SLC39A12: variants seen among roughly 807,000 people sequenced by gnomAD.
The protein encoded by SLC39A12 is zinc transporter ZIP12.
A neutral mutation model predicts 71.1 loss-of-function variants in SLC39A12; 63 were observed. The ratio of observed to expected loss-of-function variants is 0.89; its 90% CI spans 0.72 to 1.09. The LOEUF (loss-of-function observed/expected upper bound fraction) is 1.09, where lower values mean the gene tolerates loss of function less well. SLC39A12 is among the 50% of genes least tolerant of loss of function. The pLI is 0.00. For synonymous variants in SLC39A12, 351 were observed against 301.3 expected (o/e 1.16, Z -1.71); for missense variants, 892 against 812.6 (o/e 1.10, Z -1.19).
At chr10:18,031,089 A>G (rs1382030972) in intron 12 of SLC39A12, among the ~76,000 whole-genome samples, 2 of 148,056 alleles carry the variant, frequency 1.4e-5, no homozygotes, top group African/African-American at 2.5e-5. Flanking sequence ...GCTATTGTGA[A>G]TAATGCCGCA....
Position 17,991,229 on chromosome 10 carries a change from G to T in SLC39A12, c.1348G>T (p.Gly450Ter). The T allele has an allele frequency of 6.3e-7, 1 of 1,595,934 alleles. No homozygotes were observed. The highest frequency in any genetic ancestry group is 8.5e-7 in the Non-Finnish European group (1 of 1,172,944). The change falls in exon 8 of 13, where the codon GGA becomes TGA. Residue 450 changes from glycine to a stop codon, truncating the protein, a stop_gained. Coordinates refer to ENST00000377369, the MANE Select transcript of SLC39A12 (RefSeq NM_001145195.2). LOFTEE classifies it high-confidence loss of function. The stretch of plus-strand genomic sequence containing the variant: ...CAAAGGTCATATTTGGAAACTGATG[G>T]GATTAATTGGAGGCATCCATGGATT... ...ESKGHIWKLM[G>*]LIGGIHGFFL... is the part of the protein sequence containing the mutation.
chr10:17,976,227 G>A (rs954834079), intron 4 of SLC39A12, among the ~76,000 whole-genome samples: 2 of 152,078 alleles, frequency 1.3e-5, no homozygotes, highest in Non-Finnish European at 2.9e-5. Context: ...ATTGGTGGAG[G>A]CTTCTATTCT....
rs1564649740 is a variant in SLC39A12 at position 17,993,166 on chromosome 10, A to G, written c.1423-15A>G. 4 of 1,535,600 alleles carry G rather than the reference A, an allele frequency of 2.6e-6. No individual in the cohort carries two copies. Among genetic ancestry groups the G allele is most frequent in the African/African-American group, 1.4e-5 (1 of 72,676 alleles). On this transcript the variant is annotated splice_polypyrimidine_tract_variant and intron_variant, in intron 8 of 12. Coordinates refer to ENST00000377369, the MANE Select transcript of SLC39A12 (RefSeq NM_001145195.2). ...CTTCTGGCTTCAACACTAATTTTAA[A>G]CCATCCTCATCCAGCAGGGCCTGTC...
intron 4 of SLC39A12, among the ~76,000 whole-genome samples, chr10:17,968,758 A>G (rs1834896325): frequency 6.6e-6 from 1 of 152,160 alleles, no homozygotes; most frequent in Admixed American, 6.5e-5. Flanking sequence ...AGAATGGGGT[A>G]TCCATCCCTT....
chr10:17,964,163 C>T (rs12262907), intron 3 of SLC39A12, among the ~76,000 whole-genome samples: 48,429 of 152,010 alleles, frequency 0.32, 8,178 homozygotes, highest in African/African-American at 0.41. Context: ...TATGGTGTTT[C>T]GAGACCCTTA....
Position 17,995,660 on chromosome 10 carries a change from G to T in SLC39A12, c.1538G>T (p.Ser513Ile), listed in dbSNP as rs755319284. The change falls in exon 10 of 13, where the codon AGC becomes ATC. Residue 513 changes from serine (S) to isoleucine (I), a missense_variant. Physicochemically the swap from Ser to Ile is moderately radical, Grantham distance 142. Coordinates refer to ENST00000377369, the MANE Select transcript of SLC39A12 (RefSeq NM_001145195.2). ...GKSASTIQLK[S>I]PEDSQAAEMP... Reference sequence around the variant, plus strand: ...TTATTTTTTAATTTAAAATAGAAAAGCCCAGAAGATTCACAGGCAGCTGAA... The same window carrying T: ...TTATTTTTTAATTTAAAATAGAAAATCCCAGAAGATTCACAGGCAGCTGAA... The T allele has an allele frequency of 1.2e-6, 2 of 1,612,178 alleles. No homozygotes were observed. Among genetic ancestry groups the T allele is most frequent in the South Asian group, 1.1e-5 (1 of 90,660 alleles).
intron 10 of SLC39A12, among the ~76,000 whole-genome samples, chr10:17,997,109 G>C (rs1176633142): frequency 3.3e-5 from 5 of 151,676 alleles, no homozygotes; most frequent in Non-Finnish European, 7.4e-5. Flanking sequence ...ATTCATTCAT[G>C]CATCAATGCA....
chr10:17,986,752 A>C lies in SLC39A12; in HGVS notation c.1097-727A>C, dbSNP rs1456020625. On this transcript the variant is annotated intron_variant, in intron 6 of 12. Coordinates refer to ENST00000377369, the MANE Select transcript of SLC39A12 (RefSeq NM_001145195.2). ...CTGGGTGCTGTGGCTTATGCCTGTAATCCCATCACTTTGGGAGGTGAAGCA... is the reference window on the plus strand; with the variant it reads ...CTGGGTGCTGTGGCTTATGCCTGTACTCCCATCACTTTGGGAGGTGAAGCA... Among the ~76,000 whole-genome samples, 4 of 152,196 alleles carry C rather than the reference A, an allele frequency of 2.6e-5. No homozygotes were observed. In the East Asian group the frequency reaches 7.7e-4, roughly 29 times the overall value.
chr10:17,981,047 C>G (rs1385785394), intron 5 of SLC39A12, among the ~76,000 whole-genome samples: 1 of 152,114 alleles, frequency 6.6e-6, no homozygotes, highest in Non-Finnish European at 1.5e-5. Flanking sequence ...CACAATGTGT[C>G]TTTCTAGGAA....
chr10:18,010,648 T>C (rs1836188347), intron 12 of SLC39A12: 1 of 152,202 alleles, frequency 6.6e-6, no homozygotes, highest in Non-Finnish European at 1.5e-5. Context: ...GAATTCTCTC[T>C]ATAATTAAAA....
intron 4 of SLC39A12, among the ~76,000 whole-genome samples, chr10:17,973,990 T>C (rs553346889): frequency 1.3e-5 from 2 of 152,016 alleles, no homozygotes; most frequent in South Asian, 4.1e-4. Context: ...TGATCAGTTC[T>C]GCTATTAAGA....
intron 2 of SLC39A12, among the ~76,000 whole-genome samples, chr10:17,958,429 T>TG (rs1834604286): frequency 6.6e-6 from 1 of 152,150 alleles, no homozygotes; most frequent in East Asian, 1.9e-4. Flanking sequence ...TTCTGATTGA[T>TG]GTTAGACTTG....
intron 4 of SLC39A12, among the ~76,000 whole-genome samples, chr10:17,970,263 G>A (rs1834933899): frequency 6.6e-6 from 1 of 152,194 alleles, no homozygotes; most frequent in South Asian, 2.1e-4. Context: ...AGTTTTGACT[G>A]TTCTGGATCT....
intron 12 of SLC39A12, among the ~76,000 whole-genome samples, chr10:18,038,920 T>C (rs1264508580): frequency 1.3e-5 from 2 of 152,208 alleles, no homozygotes; most frequent in African/African-American, 2.4e-5. Flanking sequence ...AAGATATTGA[T>C]GATTTGAAAA....
intron 4 of SLC39A12, among the ~76,000 whole-genome samples, chr10:17,977,309 T>C (rs1385095542): frequency 6.6e-6 from 1 of 152,122 alleles, no homozygotes; most frequent in African/African-American, 2.4e-5. Context: ...CTGAGATGTA[T>C]TTATTGACTG....
At chr10:17,975,792 C>A (rs7075038) in intron 4 of SLC39A12, among the ~76,000 whole-genome samples, 1,860 of 152,174 alleles carry the variant, frequency 0.012, 37 homozygotes, top group African/African-American at 0.041. Context: ...TTATTAGCAC[C>A]CCAGAGCACT....
chr10:17,971,524 A>T (rs1431774453), intron 4 of SLC39A12, among the ~76,000 whole-genome samples: 1 of 151,550 alleles, frequency 6.6e-6, no homozygotes, highest in African/African-American at 2.4e-5. Flanking sequence ...TCGTTATTGG[A>T]CTGTTCAGTT....
At chr10:17,973,186 T>TTGTGC (rs1835018853) in intron 4 of SLC39A12, among the ~76,000 whole-genome samples, 2 of 152,266 alleles carry the variant, frequency 1.3e-5, no homozygotes, top group Admixed American at 1.3e-4. Flanking sequence ...TTATATCACA[T>TTGTGC]TGTGCTGTCT....
Position 18,034,009 on chromosome 10 carries a change from T to C in SLC39A12, c.1948-8696T>C, listed in dbSNP as rs2130896875. On this transcript the variant is annotated intron_variant, in intron 12 of 12. Transcript: ENST00000377369. Reference sequence around the variant, plus strand: ...GTTCTAGTTTGATTGCACTGTGGTCTGAGAGATAGTTTGTTATAATTTCTG... The same window carrying C: ...GTTCTAGTTTGATTGCACTGTGGTCCGAGAGATAGTTTGTTATAATTTCTG... Among the ~76,000 whole-genome samples, 3 of 147,298 alleles carry C rather than the reference T, an allele frequency of 2.0e-5. No individual in the cohort carries two copies. The South Asian group carries it at 6.5e-4, about 32-fold the overall frequency.
Sources: allele counts gnomAD v4.1 joint callset (sites outside exome capture counted in the v4.1 genomes callset), GRCh38; gene constraint gnomAD v4.1.1; transcripts MANE v1.5; gene names NCBI Gene and HGNC (gene_info 2026-07-23, HGNC 2026-07-21).